Variants in HAPLN1 observed in about 807,000 individuals in gnomAD.
HAPLN1 encodes the protein hyaluronan and proteoglycan link protein 1, also known as Cartilage link protein.
In HAPLN1, 13 loss-of-function variants were observed where a neutral mutation model predicts 36.5. The ratio of observed to expected loss-of-function variants is 0.36; its 90% CI spans 0.23 to 0.57. The LOEUF (loss-of-function observed/expected upper bound fraction) is 0.57. Ranked by LOEUF, HAPLN1 falls within the 20% of genes least tolerant of loss-of-function variation. HAPLN1 has a pLI of 0.83. For synonymous variants in HAPLN1, 202 were observed against 169.8 expected (o/e 1.19, Z -1.48); for missense variants, 407 against 439.7 (o/e 0.93, Z 0.66).
At chr5:83,655,847 T>C (rs934369972) in intron 2 of HAPLN1, among the ~76,000 whole-genome samples, 5 of 151,994 alleles carry the variant, frequency 3.3e-5, no homozygotes, top group African/African-American at 1.2e-4. Context: ...ATGTCACAGG[T>C]TGTCGTCACA....
rs1462030528 is a variant in HAPLN1 at position 83,714,954 on chromosome 5, A to G, written c.-27+5835T>C. Among the ~76,000 whole-genome samples, 8 of 152,332 alleles carry G rather than the reference A, an allele frequency of 5.3e-5. No individual in the cohort carries two copies. The East Asian group carries it at 1.5e-3, about 29-fold the overall frequency. Reference sequence around the variant, plus strand: ...AAAGGGAAGAGAGATCTGTCTGGCTAAAGCGCTAGGGGAGGTGGAAGAACA... The same window carrying G: ...AAAGGGAAGAGAGATCTGTCTGGCTGAAGCGCTAGGGGAGGTGGAAGAACA... On this transcript the variant is annotated intron_variant, in intron 1 of 4. Coordinates refer to ENST00000274341, the MANE Select transcript of HAPLN1 (RefSeq NM_001884.4).
At chr5:83,653,290 A>G (rs1051804884) in intron 2 of HAPLN1, among the ~76,000 whole-genome samples, 1 of 152,236 alleles carries the variant, frequency 6.6e-6, no homozygotes, top group South Asian at 2.1e-4. Flanking sequence ...TTGTACTTAC[A>G]GGCAAAATAT....
At chr5:83,644,690 T>C (rs1749805088) in intron 3 of HAPLN1, 25 bp from the exon 4 acceptor site, 1 of 1,394,788 alleles carries the variant, frequency 7.2e-7, no homozygotes, top group African/African-American at 1.5e-5. Flanking sequence ...AAGCAAGGAG[T>C]TGTTAGAAGC....
intron 1 of HAPLN1, among the ~76,000 whole-genome samples, chr5:83,710,722 G>A (rs1331239959): frequency 1.3e-5 from 2 of 152,150 alleles, no homozygotes; most frequent in South Asian, 2.1e-4. Flanking sequence ...AAGCAGAGGC[G>A]GGTGGATGAC....
At chr5:83,645,687 T>C (rs1322790531) in intron 3 of HAPLN1, among the ~76,000 whole-genome samples, 4 of 152,056 alleles carry the variant, frequency 2.6e-5, no homozygotes, top group Non-Finnish European at 5.9e-5. Flanking sequence ...CACGCCTCCA[T>C]AGAAAGCATC....
chr5:83,690,885 A>G (rs1751254502), intron 1 of HAPLN1, among the ~76,000 whole-genome samples: 1 of 152,048 alleles, frequency 6.6e-6, no homozygotes, highest in Admixed American at 6.6e-5. Context: ...ATATGAATGC[A>G]TGTGTTATTT....
At chr5:83,667,735 C>T (rs1423935782) in intron 2 of HAPLN1, among the ~76,000 whole-genome samples, 1 of 152,104 alleles carries the variant, frequency 6.6e-6, no homozygotes, top group Non-Finnish European at 1.5e-5. Flanking sequence ...TTAGATTCAC[C>T]CACTCCTTGT....
At chr5:83,642,024 G>C (rs1342308361) in intron 4 of HAPLN1, among the ~76,000 whole-genome samples, 1 of 152,134 alleles carries the variant, frequency 6.6e-6, no homozygotes, top group Non-Finnish European at 1.5e-5. Flanking sequence ...GCTTTAAAAA[G>C]AAAAGGGAAA....
At position 83,655,562 on chromosome 5, in the gene HAPLN1, A is replaced by G. The variant is rs550636038; in HGVS notation, c.101-2738T>C. The stretch of plus-strand genomic sequence containing the variant: ...TGTGTGTGTTGAAGTAATAGATGCC[A>G]GAAGTCTCTGGCTGAAATTCAAAGA... On this transcript the variant is annotated intron_variant, in intron 2 of 4. Transcript: ENST00000274341. 4.3e-4 allele frequency among the ~76,000 whole-genome samples: 65 copies of G among 152,058 alleles called. 1 individual carries two copies. Among genetic ancestry groups the G allele is most frequent in the African/African-American group, 1.6e-3 (65 of 41,446 alleles).
intron 1 of HAPLN1, among the ~76,000 whole-genome samples, chr5:83,692,080 G>A (rs913735869): frequency 8.6e-5 from 13 of 151,736 alleles, no homozygotes; most frequent in African/African-American, 2.7e-4. Context: ...AATCAAAACT[G>A]TCCAAAATGA....
At chr5:83,668,821 G>A (rs550668123) in intron 2 of HAPLN1, among the ~76,000 whole-genome samples, 13 of 152,316 alleles carry the variant, frequency 8.5e-5, no homozygotes, top group African/African-American at 2.6e-4. Context: ...CAGGAAGTCC[G>A]TGTGAGGACT....
chr5:83,661,788 G>A (rs1431651514), intron 2 of HAPLN1, among the ~76,000 whole-genome samples: 1 of 152,044 alleles, frequency 6.6e-6, no homozygotes, highest in Non-Finnish European at 1.5e-5. Flanking sequence ...ATTTCTCTTA[G>A]TGATTTTATT....
chr5:83,681,747 A>C (rs1158840017), intron 1 of HAPLN1, among the ~76,000 whole-genome samples: 2 of 152,154 alleles, frequency 1.3e-5, no homozygotes, highest in Admixed American at 1.3e-4. Context: ...AATATATAGA[A>C]TAACTCTCCT....
intron 1 of HAPLN1, among the ~76,000 whole-genome samples, chr5:83,683,289 A>G (rs1164611657): frequency 6.6e-6 from 1 of 152,138 alleles, no homozygotes; most frequent in Non-Finnish European, 1.5e-5. Context: ...TACCAGTATA[A>G]AGTTCCCCAA....
intron 1 of HAPLN1, among the ~76,000 whole-genome samples, chr5:83,702,849 C>T (rs957048370): frequency 1.3e-5 from 2 of 152,010 alleles, no homozygotes; most frequent in Non-Finnish European, 2.9e-5. Flanking sequence ...ATAGCTGGGA[C>T]TACAGGCATG....
At chr5:83,643,353 T>TAAA (rs79459806) in intron 4 of HAPLN1, among the ~76,000 whole-genome samples, 34 of 111,866 alleles carry the variant, frequency 3.0e-4, no homozygotes, top group African/African-American at 1.2e-3. Flanking sequence ...TACCCTGTCT[T>TAAA]AAAAAAAAAA....
chr5:83,655,689 T>C (rs1360972464), intron 2 of HAPLN1, among the ~76,000 whole-genome samples: 1 of 124,896 alleles, frequency 8.0e-6, no homozygotes, highest in South Asian at 2.7e-4. Flanking sequence ...TGTTTGTTTG[T>C]TTGCTTTTAG....
At chr5:83,717,542 T>C (rs1055843223) in intron 1 of HAPLN1, among the ~76,000 whole-genome samples, 19 of 152,246 alleles carry the variant, frequency 1.2e-4, no homozygotes, top group African/African-American at 4.3e-4. Flanking sequence ...TGATTAATGC[T>C]GATTGTCCTG....
intron 3 of HAPLN1, chr5:83,651,873 C>T (rs190728536): frequency 3.3e-5 from 5 of 152,258 alleles, no homozygotes; most frequent in African/African-American, 1.2e-4. Flanking sequence ...TATTGAATGG[C>T]CTACATATTT....
Sources: gnomAD v4.1 joint callset for allele counts (sites outside exome capture counted in the v4.1 genomes callset) on GRCh38, gnomAD v4.1.1 for gene constraint, MANE v1.5 for transcripts, NCBI Gene and HGNC (gene_info 2026-07-23, HGNC 2026-07-21) for gene names.